AGO3: variants seen among roughly 807,000 people sequenced by gnomAD.
AGO3 encodes protein argonaute-3.
A neutral mutation model predicts 105.5 loss-of-function variants in AGO3; 16 were observed. The ratio of observed to expected loss-of-function variants is 0.15; its 90% CI spans 0.10 to 0.23. The LOEUF (loss-of-function observed/expected upper bound fraction) is 0.23, where lower values mean the gene tolerates loss of function less well. Ranked by LOEUF, AGO3 falls within the 10% of genes least tolerant of loss-of-function variation. The probability of loss-of-function intolerance (pLI) is 1.00; values close to 1 mark genes in which losing one functional copy is unlikely to be tolerated. For missense variants in AGO3, 534 were observed against 1,088.0 expected, an observed-to-expected ratio of 0.49 and a Z score of 7.16; for synonymous variants, 340 against 367.3, an observed-to-expected ratio of 0.93 and a Z score of 0.85.
At chr1:35,976,153 T>G (rs2148778679) in intron 5 of AGO3, among the ~76,000 whole-genome samples, 1 of 152,262 alleles carries the variant, frequency 6.6e-6, no homozygotes. Context: ...CAGGCTGGTC[T>G]CGAACTCCTG....
At chr1:35,995,892 G>A (rs531991999) in intron 5 of AGO3, among the ~76,000 whole-genome samples, 49 of 152,180 alleles carry the variant, frequency 3.2e-4, no homozygotes, top group African/African-American at 8.9e-4. Flanking sequence ...TGGCCAGGCT[G>A]GTCTCGAACT....
chr1:36,003,736 A>ATG (rs1640217641), intron 5 of AGO3, among the ~76,000 whole-genome samples: 1 of 142,018 alleles, frequency 7.0e-6, no homozygotes, highest in East Asian at 2.0e-4. Flanking sequence ...ATATATATAT[A>ATG]TATGTATATT....
intron 11 of AGO3, among the ~76,000 whole-genome samples, chr1:36,019,133 G>T (rs1157901060): frequency 6.6e-6 from 1 of 152,036 alleles, no homozygotes; most frequent in Non-Finnish European, 1.5e-5. Context: ...TATCATGAAG[G>T]GTTTGCTTGT....
intron 12 of AGO3, among the ~76,000 whole-genome samples, chr1:36,031,439 AC>A (rs1641769808): frequency 6.6e-6 from 1 of 151,288 alleles, no homozygotes; most frequent in Non-Finnish European, 1.5e-5. Context: ...AGCAACAAAT[AC>A]CCTGTTTTTA....
In AGO3 at chr1:36,056,997, C is replaced by T. The variant is rs1460617762; in HGVS notation, c.*1252C>T. The T allele has an allele frequency of 1.3e-5, 2 of 152,246 alleles. No homozygotes were observed. The highest frequency in any genetic ancestry group is 6.5e-5 in the Admixed American group (1 of 15,268). The allele number at this position is 152,246 out of a possible 1,614,324, so 9.4% of individuals were successfully genotyped here. ...CCTTGTGATCCACCCGCCTCGACCT[C>T]CCAAAGTGCTGGGATTACAGGCATG... is the stretch of plus-strand genomic sequence containing the variant. On this transcript the variant is annotated 3_prime_UTR_variant, in exon 19 of 19. Coordinates refer to ENST00000373191, the MANE Select transcript of AGO3 (RefSeq NM_024852.4).
chr1:36,033,863 G>A lies in AGO3; in HGVS notation c.1592-311G>A, dbSNP rs576057971. On this transcript the variant is annotated intron_variant, in intron 12 of 18. Transcript: ENST00000373191. ...TTATTGGAAGAGAGTACTATAAAAC[G>A]ATAACAAGGGATTATGTGCATGTTT... Among the ~76,000 whole-genome samples the A allele has an allele frequency of 9.9e-5, 15 of 152,158 alleles. 1 individual carries two copies. In the South Asian group the frequency reaches 2.3e-3, roughly 23 times the overall value.
intron 1 of AGO3, among the ~76,000 whole-genome samples, chr1:35,932,830 G>T (rs773195669): frequency 1.3e-5 from 2 of 152,118 alleles, no homozygotes; most frequent in Non-Finnish European, 2.9e-5. Flanking sequence ...TAACTGTCCT[G>T]TTGTCAAGTC....
chr1:36,042,782 CT>C (rs1399723014), intron 16 of AGO3, among the ~76,000 whole-genome samples: 1 of 152,156 alleles, frequency 6.6e-6, no homozygotes, highest in Non-Finnish European at 1.5e-5. Flanking sequence ...ATGGTGTCCT[CT>C]TACAAGATGT....
intron 16 of AGO3, among the ~76,000 whole-genome samples, chr1:36,040,808 C>A (rs145024009): frequency 1.5e-3 from 223 of 152,162 alleles, no homozygotes; most frequent in African/African-American, 5.1e-3. Context: ...CACAGTGGCT[C>A]ACACCTGTAA....
chr1:36,036,957 G>A (rs139425400), intron 14 of AGO3, among the ~76,000 whole-genome samples: 2,303 of 152,070 alleles, frequency 0.015, 50 homozygotes, highest in African/African-American at 0.052. Flanking sequence ...CGGCCTCCCA[G>A]AGTGCTGAGA....
At chr1:35,945,362 A>T (rs771911535) in intron 1 of AGO3, among the ~76,000 whole-genome samples, 1 of 151,800 alleles carries the variant, frequency 6.6e-6, no homozygotes, top group African/African-American at 2.4e-5. Context: ...CCTTTCTTCT[A>T]CTTTCTTTAA....
At chr1:35,999,884 T>C (rs1052420886) in intron 5 of AGO3, among the ~76,000 whole-genome samples, 2 of 152,126 alleles carry the variant, frequency 1.3e-5, no homozygotes, top group Non-Finnish European at 2.9e-5. Context: ...GAACTTCCTA[T>C]AAAATTAAGT....
intron 1 of AGO3, among the ~76,000 whole-genome samples, chr1:35,939,130 A>G (rs994822155): frequency 6.6e-6 from 1 of 152,206 alleles, no homozygotes; most frequent in Non-Finnish European, 1.5e-5. Flanking sequence ...TAAATAACTA[A>G]AATATGCTTC....
At chr1:35,932,732 C>G (rs1004069296) in intron 1 of AGO3, among the ~76,000 whole-genome samples, 1 of 152,048 alleles carries the variant, frequency 6.6e-6, no homozygotes, top group African/African-American at 2.4e-5. Context: ...ATTTCTGAAA[C>G]TGTCCTGCCC....
At chr1:35,974,284 T>C (rs1646919290) in intron 5 of AGO3, among the ~76,000 whole-genome samples, 1 of 151,474 alleles carries the variant, frequency 6.6e-6, no homozygotes, top group Non-Finnish European at 1.5e-5. Context: ...CTAATCAGAA[T>C]CCAAACAAGA....
At chr1:35,981,433 T>C (rs1251834321) in intron 5 of AGO3, among the ~76,000 whole-genome samples, 1 of 152,096 alleles carries the variant, frequency 6.6e-6, no homozygotes, top group Non-Finnish European at 1.5e-5. Context: ...TGCAGCCACA[T>C]CTCCTATGCC....
intron 12 of AGO3, among the ~76,000 whole-genome samples, chr1:36,030,178 A>G (rs1024839036): frequency 6.6e-6 from 1 of 152,180 alleles, no homozygotes; most frequent in African/African-American, 2.4e-5. Flanking sequence ...GCAAGTAAAT[A>G]TATGATAAGT....
At chr1:35,981,123 A>G (rs1647045284) in intron 5 of AGO3, among the ~76,000 whole-genome samples, 2 of 152,136 alleles carry the variant, frequency 1.3e-5, no homozygotes, top group Non-Finnish European at 2.9e-5. Flanking sequence ...GGAATTTTTC[A>G]GTGTGAGTAA....
intron 2 of AGO3, among the ~76,000 whole-genome samples, chr1:35,961,326 A>ATCT (rs1453067501): frequency 6.6e-6 from 1 of 152,080 alleles, no homozygotes; most frequent in Non-Finnish European, 1.5e-5. Flanking sequence ...TTAAATTTAT[A>ATCT]TCTTCCCTGA....
Sources: gnomAD v4.1 joint callset for allele counts (sites outside exome capture counted in the v4.1 genomes callset) on GRCh38, gnomAD v4.1.1 for gene constraint, MANE v1.5 for transcripts, NCBI Gene and HGNC (gene_info 2026-07-23, HGNC 2026-07-21) for gene names.